The following GORASP2 variants were observed in gnomAD, a reference collection of about 807,000 sequenced individuals.
GORASP2 encodes golgi reassembly stacking protein 2, also known as Golgi reassembly-stacking protein 2.
GORASP2 carries 22 observed loss-of-function variants against 45.7 expected under a neutral mutation model. The ratio of observed to expected loss-of-function variants is 0.48; its 90% confidence interval spans 0.34 to 0.69. The LOEUF is 0.69. Among genes scored for constraint, GORASP2 ranks in the 30% least tolerant of loss-of-function variants. GORASP2 has a pLI of 0.01. For missense variants in GORASP2, 491 were observed against 562.7 expected, an observed-to-expected ratio of 0.87 and a Z score of 1.29; for synonymous variants, 221 against 215.6, an observed-to-expected ratio of 1.02 and a Z score of -0.22.
chr2:170,949,893 G>A, intron 3 of GORASP2, 151 bp downstream of exon 3: 2 of 638,842 alleles, frequency 3.1e-6, no homozygotes, highest in Non-Finnish European at 5.5e-6. Flanking sequence ...TTTTAAGTAT[G>A]GATCAATTTT....
At chr2:170,962,085 G>T (rs1704575929) in intron 8 of GORASP2, among the ~76,000 whole-genome samples, 2 of 152,232 alleles carry the variant, frequency 1.3e-5, no homozygotes, top group South Asian at 4.1e-4. Flanking sequence ...CCTTAGTGAG[G>T]ATTTCCTGGC....
intron 1 of GORASP2, among the ~76,000 whole-genome samples, chr2:170,945,895 G>T (rs961063257): frequency 5.3e-5 from 8 of 152,192 alleles, no homozygotes; most frequent in African/African-American, 1.9e-4. Context: ...GGTTGAAAGT[G>T]TATCTGTCAT....
intron 5 of GORASP2, among the ~76,000 whole-genome samples, chr2:170,952,852 C>CT (rs1012446011): frequency 2.6e-5 from 4 of 152,084 alleles, no homozygotes; most frequent in Admixed American, 1.3e-4. Context: ...TTTAGAAACT[C>CT]TTTTTTAGAG....
At chr2:170,958,581 T>C (rs984591517) in intron 7 of GORASP2, among the ~76,000 whole-genome samples, 11 of 152,098 alleles carry the variant, frequency 7.2e-5, no homozygotes, top group Middle Eastern at 3.4e-3. Flanking sequence ...GGTAGTGTAC[T>C]TCCCAAGGCA....
chr2:170,929,191 A>G (rs1559304461), upstream of GORASP2: 1 of 527,116 alleles, frequency 1.9e-6, no homozygotes, highest in Admixed American at 4.4e-5. Context: ...GGGCTGCAGC[A>G]GAGACGATCT....
intron 1 of GORASP2, among the ~76,000 whole-genome samples, chr2:170,934,795 T>C (rs952993270): frequency 2.6e-5 from 4 of 151,994 alleles, no homozygotes; most frequent in Non-Finnish European, 5.9e-5. Context: ...TGGAGTGCAG[T>C]TGTGCAATCT....
chr2:170,929,879 G>A (rs927157313), intron 1 of GORASP2: 1 of 418,910 alleles, frequency 2.4e-6, no homozygotes, highest in Non-Finnish European at 5.0e-6. Context: ...AAATCACCTC[G>A]GCGCCGGCCG....
intron 1 of GORASP2, among the ~76,000 whole-genome samples, chr2:170,936,224 C>CT (rs3079542): frequency 0.21 from 24,824 of 118,964 alleles, 3,667 homozygotes; most frequent in Middle Eastern, 0.3. Flanking sequence ...TTGAAACTGA[C>CT]TTTTTTTTTT....
Position 170,949,719 on chromosome 2 carries a change from A to G in GORASP2, c.325A>G (p.Asn109Asp). The G allele has an allele frequency of 1.9e-6, 3 of 1,613,800 alleles. No homozygotes were observed. The highest frequency in any genetic ancestry group is 2.2e-5 in the South Asian group (2 of 91,084). ...SIRFCSFDGA[N>D]ENVWHVLEVE... is the part of the protein sequence containing the mutation. Reference sequence around the variant, plus strand: ...TCGTTTCTGCAGCTTTGATGGGGCAAATGAAAATGTTTGGCATGTGCTGGT... The same window carrying G: ...TCGTTTCTGCAGCTTTGATGGGGCAGATGAAAATGTTTGGCATGTGCTGGT... Residue 109 changes from asparagine (N) to aspartate (D), a missense_variant, in exon 3 of 10, where the codon AAT becomes GAT. By Grantham distance (23) the Asn-to-Asp change is conservative. This residue lies in a region of GORASP2 where 194 missense variants were observed against 270.4 expected (regional missense o/e 0.72). Transcript: ENST00000234160.
Position 170,962,748 on chromosome 2 carries a change from G to GATTCTA in GORASP2, c.911-90_911-89insTTCTAA. 5.0e-6 allele frequency: 4 copies of GATTCTA among 807,052 alleles called. No individual in the cohort carries two copies. The South Asian group carries it at 5.7e-5, about 12-fold the overall frequency. The allele number at this position is 807,052 out of a possible 1,614,324, so 50.0% of individuals were successfully genotyped here. On this transcript the variant is annotated intron_variant, in intron 8 of 9. Transcript: ENST00000234160. The stretch of plus-strand genomic sequence containing the variant: ...GGTGGACTTCTGGTACTGTCACTTA[G>GATTCTA]AAGTGGCTGGGATTGTTTTTAATAC...
intron 1 of GORASP2, among the ~76,000 whole-genome samples, chr2:170,930,297 G>A (rs907719032): frequency 6.6e-6 from 1 of 152,228 alleles, no homozygotes; most frequent in African/African-American, 2.4e-5. Flanking sequence ...GGCGACTTTA[G>A]AAGTAGCATT....
intron 1 of GORASP2, 149 bp downstream of exon 1, chr2:170,929,552 G>A: frequency 1.5e-6 from 1 of 667,136 alleles, no homozygotes; most frequent in Non-Finnish European, 2.4e-6. Context: ...GGTCGAGGCT[G>A]GTTCCGGAGG....
chr2:170,959,821 CTTTTTT>C (rs35210942), intron 7 of GORASP2, among the ~76,000 whole-genome samples: 1 of 124,536 alleles, frequency 8.0e-6, no homozygotes, highest in South Asian at 2.5e-4. Context: ...TCACCTTTTT[CTTTTTT>C]TTTTTTTTTT....
intron 5 of GORASP2, among the ~76,000 whole-genome samples, chr2:170,952,571 T>A (rs1704322927): frequency 6.6e-6 from 1 of 152,248 alleles, no homozygotes; most frequent in Non-Finnish European, 1.5e-5. Context: ...ACCACTTAAT[T>A]ACTTTGACCA....
At chr2:170,954,406 T>C in intron 5 of GORASP2, 1 of 434,440 alleles carries the variant, frequency 2.3e-6, no homozygotes, top group Non-Finnish European at 4.1e-6. Context: ...GTAAGGGTGA[T>C]ATCCACAGTG....
intron 9 of GORASP2, 56 bp from the exon 10 acceptor site, chr2:170,965,734 G>T: frequency 8.4e-7 from 1 of 1,186,880 alleles, no homozygotes; most frequent in Non-Finnish European, 1.3e-6. Context: ...CTTTGACAAT[G>T]CCTGCTGTCC....
intron 5 of GORASP2, among the ~76,000 whole-genome samples, chr2:170,951,838 T>G (rs2105322581): frequency 6.6e-6 from 1 of 152,366 alleles, no homozygotes; most frequent in South Asian, 2.1e-4. Context: ...AGCTTCCGTT[T>G]GCTCACAGTA....
chr2:170,945,150 C>T (rs1704154542), intron 1 of GORASP2, among the ~76,000 whole-genome samples: 1 of 152,044 alleles, frequency 6.6e-6, no homozygotes, highest in South Asian at 2.1e-4. Context: ...AAATAACCCC[C>T]ATAGAAAACT....
chr2:170,965,804 C>T lies in GORASP2; in HGVS notation c.1033C>T (p.Pro345Ser), dbSNP rs773846268. ...TTTTGTCCTAGGTCTGCCACCTCTT[C>T]CTTCCATGCCTCCCCGAAACTTACC... The part of the protein sequence containing the change: ...ELVNPGLPPL[P>S]SMPPRNLPGI... The change falls in exon 10 of 10, where the codon CCT becomes TCT. Residue 345 changes from proline (P) to serine (S), a missense_variant. Physicochemically the swap from Pro to Ser is moderately conservative, Grantham distance 74. Around this residue, in one of 2 missense-constraint regions of GORASP2, gnomAD observed 297 missense variants for 292.3 expected, o/e 1.02. Coordinates refer to ENST00000234160, the MANE Select transcript of GORASP2 (RefSeq NM_015530.5). 17 of 1,613,610 alleles carry T rather than the reference C, an allele frequency of 1.1e-5. No homozygotes were observed. In the South Asian group the frequency reaches 1.6e-4, roughly 16 times the overall value.
Sources: gnomAD v4.1 joint callset for allele counts (sites outside exome capture counted in the v4.1 genomes callset) on GRCh38, gnomAD v4.1.1 for gene constraint, gnomAD v4.1.1 regional missense constraint, MANE v1.5 for transcripts, NCBI Gene and HGNC (gene_info 2026-07-23, HGNC 2026-07-21) for gene names.